Variants in CSNK1D observed in about 807,000 individuals in gnomAD.
CSNK1D encodes casein kinase 1 delta.
In CSNK1D, 16 loss-of-function variants were observed where a neutral mutation model predicts 46.6. The observed-to-expected ratio is 0.34, with a 90% CI of 0.23 to 0.52. The LOEUF is 0.52. Among genes scored for constraint, CSNK1D ranks in the 20% least tolerant of loss-of-function variants. CSNK1D has a pLI of 0.95. For missense variants in CSNK1D, 398 were observed against 578.4 expected (o/e 0.69, Z 3.20); for synonymous variants, 276 against 228.2 (o/e 1.21, Z -1.89).
Position 82,251,436 on chromosome 17 carries a change from C to G in CSNK1D, c.828G>C (p.Leu276=), listed in dbSNP as rs540255508. The G allele has an allele frequency of 1.2e-5, 19 of 1,614,166 alleles. No individual in the cohort carries two copies. The highest frequency in any genetic ancestry group is 9.3e-5 in the African/African-American group (7 of 75,040). ...CATAGGAGAAGCCCTGGCGATGGAA[C>G]AGATTCCGGAAAAGCTGCCGCAGGT... is the stretch of plus-strand genomic sequence containing the variant. ...YSYLRQLFRN[L]FHRQGFSYDY... The change falls in exon 6 of 9, where the codon CTG becomes CTC. Residue 276 remains leucine, a synonymous_variant. Coordinates refer to ENST00000314028, the MANE Select transcript of CSNK1D (RefSeq NM_001893.6). This position sits in a 1 kb window ranked among gnomAD's most constrained non-coding sequence, Gnocchi z 4.5.
At position 82,249,284 on chromosome 17, in the gene CSNK1D, G is replaced by C. The variant is rs1002325260; in HGVS notation, c.1057+147C>G. The C allele has an allele frequency of 1.1e-6, 1 of 919,772 alleles. No individual in the cohort carries two copies. The highest frequency in any genetic ancestry group is 1.6e-6 in the Non-Finnish European group (1 of 621,132). 57.0% of individuals were successfully genotyped at this position (919,772 alleles called of 1,614,324 possible). On this transcript the variant is annotated intron_variant, in intron 7 of 8. Coordinates refer to ENST00000314028, the MANE Select transcript of CSNK1D (RefSeq NM_001893.6). This position sits in a 1 kb window ranked among gnomAD's most constrained non-coding sequence, Gnocchi z 6.7. ...CGGCATTTCTAAAGGCGCCTGGGCA[G>C]CCTGGCTCATCCACCCTCAGGAGCG...
At chr17:82,259,423 T>TGA (rs2051267385) in intron 2 of CSNK1D, among the ~76,000 whole-genome samples, 2 of 152,216 alleles carry the variant, frequency 1.3e-5, no homozygotes, top group South Asian at 4.1e-4. Context: ...AACAGTGTTG[T>TGA]GAGGCTGAGG....
intron 8 of CSNK1D, chr17:82,247,634 G>C (rs2050884053): frequency 3.0e-6 from 3 of 985,324 alleles, no homozygotes; most frequent in Non-Finnish European, 3.6e-6. Context: ...ACTGCTCACA[G>C]GAACTGATGC....
At position 82,250,005 on chromosome 17, in the gene CSNK1D, G is replaced by C; in HGVS notation, c.886-403C>G. On this transcript the variant is annotated intron_variant, in intron 6 of 8. Coordinates refer to ENST00000314028, the MANE Select transcript of CSNK1D (RefSeq NM_001893.6). This position sits in a 1 kb window ranked among gnomAD's most constrained non-coding sequence, Gnocchi z 4.6. ...AATGGTGACAGCTGGGGAGGAAAGC[G>C]GGGTGGGGATGAGAGCGTTTGGTCG... is the stretch of plus-strand genomic sequence containing the variant. 7 of 1,233,006 alleles carry C rather than the reference G, an allele frequency of 5.7e-6. No homozygotes were observed. In the South Asian group the frequency reaches 5.7e-5, roughly 10 times the overall value. 76.4% of individuals were successfully genotyped at this position (1,233,006 alleles called of 1,614,324 possible).
downstream of CSNK1D, among the ~76,000 whole-genome samples, chr17:82,241,283 C>A (rs2050738791): frequency 6.6e-6 from 1 of 152,158 alleles, no homozygotes; most frequent in African/African-American, 2.4e-5. Flanking sequence ...CACAGGGGAC[C>A]CAGAAAGGGC....
intron 3 of CSNK1D, chr17:82,253,584 CTGCACGGAGG>C (rs2051070927): frequency 2.7e-6 from 1 of 373,894 alleles, no homozygotes; most frequent in Admixed American, 3.7e-5. Context: ...AGCAGAGAAA[CTGCACGGAGG>C]TGCTTAGGAA....
Position 82,273,395 on chromosome 17 carries a change from C to G in CSNK1D, c.-14G>C. The G allele has an allele frequency of 6.2e-7, 1 of 1,610,486 alleles. No individual in the cohort carries two copies. The highest frequency in any genetic ancestry group is 8.5e-7 in the Non-Finnish European group (1 of 1,179,240). On this transcript the variant is annotated 5_prime_UTR_variant, in exon 1 of 9. Coordinates refer to ENST00000314028, the MANE Select transcript of CSNK1D (RefSeq NM_001893.6). This position sits in a 1 kb window ranked among gnomAD's most constrained non-coding sequence, Gnocchi z 5.1. ...TCTCAGCTCCATGGCGGCGGCGGCC[C>G]GATTCGCTCCTGCCCTCCCGGCCGC...
chr17:82,246,947 A>G (rs2147154975), intron 8 of CSNK1D: 1 of 985,496 alleles, frequency 1.0e-6, no homozygotes, highest in Non-Finnish European at 1.2e-6. Flanking sequence ...TCAAAACGGG[A>G]GCTGCTGCTC....
At chr17:82,271,078 T>C (rs2051610344) in intron 1 of CSNK1D, among the ~76,000 whole-genome samples, 1 of 152,178 alleles carries the variant, frequency 6.6e-6, no homozygotes, top group South Asian at 2.1e-4. Context: ...AAGTACTTCT[T>C]ATTTATTTAT....
intron 2 of CSNK1D, among the ~76,000 whole-genome samples, chr17:82,260,626 CTGAG>C (rs1185379647): frequency 2.0e-5 from 3 of 146,650 alleles, no homozygotes; most frequent in Non-Finnish European, 4.4e-5. Context: ...TGATGGTGTA[CTGAG>C]TGACGTGACT....
intron 1 of CSNK1D, among the ~76,000 whole-genome samples, chr17:82,270,854 C>CA (rs140895105): frequency 0.016 from 2,455 of 152,286 alleles, 80 homozygotes; most frequent in African/African-American, 0.057. Flanking sequence ...CCCAGGGTGT[C>CA]AGAGCCACAG....
Position 82,250,418 on chromosome 17 carries a change from G to A in CSNK1D, c.886-816C>T, listed in dbSNP as rs1349809997. On this transcript the variant is annotated intron_variant, in intron 6 of 8. Coordinates refer to ENST00000314028, the MANE Select transcript of CSNK1D (RefSeq NM_001893.6). The surrounding 1 kb of genome is among the most constrained non-coding windows in gnomAD (Gnocchi z 4.6). ...GCTGGCCTAGCCTGCTCTGAGGGCCGGGTGACTCTAATGCCGCAGGAGGGT... is the reference window on the plus strand; with the variant it reads ...GCTGGCCTAGCCTGCTCTGAGGGCCAGGTGACTCTAATGCCGCAGGAGGGT... The A allele has an allele frequency of 4.8e-5, 17 of 356,520 alleles. No homozygotes were observed. The Middle Eastern group carries it at 2.9e-3, about 60-fold the overall frequency. The allele number at this position is 356,520 out of a possible 1,614,324, so 22.1% of individuals were successfully genotyped here.
rs1599571706 is a variant in CSNK1D, at chr17:82,244,301, C to G, written c.*480G>C. ...CTCCAAGCCAGCCTGTCTCAGAATT[C>G]CTTAGTCAACATTTTTTTTGTAAGA... is the stretch of plus-strand genomic sequence containing the variant. On this transcript the variant is annotated 3_prime_UTR_variant, in exon 9 of 9. Coordinates refer to ENST00000314028, the MANE Select transcript of CSNK1D (RefSeq NM_001893.6). 9.1e-7 allele frequency: 1 copy of G among 1,100,892 alleles called. No homozygotes were observed. Among genetic ancestry groups the G allele is most frequent in the East Asian group, 6.8e-5 (1 of 14,610 alleles). The allele number at this position is 1,100,892 out of a possible 1,614,324, so 68.2% of individuals were successfully genotyped here.
At chr17:82,239,199 G>A (rs889116935), downstream of CSNK1D, 4 of 402,304 alleles carry the variant, frequency 9.9e-6, no homozygotes, top group South Asian at 1.3e-4. Context: ...AAGGTTACAA[G>A]GCATCCTCAC....
At chr17:82,261,103 T>C (rs2051328897) in intron 2 of CSNK1D, 1 of 154,888 alleles carries the variant, frequency 6.5e-6, no homozygotes, top group Admixed American at 6.5e-5. Flanking sequence ...TAGCTGTAAG[T>C]AACAATGTAC....
In CSNK1D at chr17:82,255,844, C is replaced by A. The variant is rs1457727417; in HGVS notation, c.188-267G>T. ...GACAAGGAGGGGATCGAAGCCCCAC[C>A]TCCCCGACTCCCGTCTTCTAGGGCA... On this transcript the variant is annotated intron_variant, in intron 2 of 8. Coordinates refer to ENST00000314028, the MANE Select transcript of CSNK1D (RefSeq NM_001893.6). The surrounding 1 kb of genome is among the most constrained non-coding windows in gnomAD (Gnocchi z 5.9). Among the ~76,000 whole-genome samples the A allele has an allele frequency of 6.6e-6, 1 of 152,216 alleles. No homozygotes were observed. Among genetic ancestry groups the A allele is most frequent in the Non-Finnish European group, 1.5e-5 (1 of 68,036 alleles).
chr17:82,270,385 TAGAAAAACAAGAACCCAAAA>T (rs2051589036), intron 1 of CSNK1D, among the ~76,000 whole-genome samples: 2 of 151,866 alleles, frequency 1.3e-5, no homozygotes, highest in Admixed American at 6.6e-5. Context: ...AAGTCCCCGG[TAGAAAAACAAGAACCCAAAA>T]GCCAAGCTCA....
chr17:82,242,357 G>A (rs1297769662), downstream of CSNK1D, among the ~76,000 whole-genome samples: 1 of 152,210 alleles, frequency 6.6e-6, no homozygotes, highest in Non-Finnish European at 1.5e-5. Flanking sequence ...CTCACCCCAG[G>A]CGGCTGGAGT....
chr17:82,264,821 G>C (rs1014240618), intron 2 of CSNK1D, among the ~76,000 whole-genome samples: 1 of 144,994 alleles, frequency 6.9e-6, no homozygotes, highest in Non-Finnish European at 1.5e-5. Flanking sequence ...TTTTTGAGAC[G>C]GAGTCTCGCT....
Sources: allele counts gnomAD v4.1 joint callset (sites outside exome capture counted in the v4.1 genomes callset), GRCh38; gene constraint gnomAD v4.1.1; non-coding constraint Gnocchi (gnomAD v3.1); transcripts MANE v1.5; gene names NCBI Gene and HGNC (gene_info 2026-07-23, HGNC 2026-07-21).